Variants in MGAT4C observed in about 807,000 individuals in gnomAD.
The protein encoded by MGAT4C is alpha-1,3-mannosyl-glycoprotein 4-beta-N-acetylglucosaminyltransferase C.
MGAT4C carries 19 observed loss-of-function variants against 40.1 expected under a neutral mutation model. The observed-to-expected ratio is 0.47, with a 90% CI of 0.33 to 0.70. The LOEUF (loss-of-function observed/expected upper bound fraction) is 0.70. MGAT4C is among the 30% of genes least tolerant of loss of function. MGAT4C has a pLI of 0.02. For missense variants in MGAT4C, 491 were observed against 563.2 expected, an observed-to-expected ratio of 0.87 and a Z score of 1.30; for synonymous variants, 181 against 187.1, an observed-to-expected ratio of 0.97 and a Z score of 0.27.
rs11103973 is a variant in MGAT4C at position 86,508,508 on chromosome 12, G to A, written c.-228-73243C>T. 0.011 allele frequency among the ~76,000 whole-genome samples: 1,697 copies of A among 151,978 alleles called. 124 individuals carry two copies. In the East Asian group the frequency reaches 0.23, roughly 20 times the overall value. ...AGTCTTTGCTATTGTGAATAATGCCGCAATAAACATACGTGTGCATGTGTC... is the reference window on the plus strand; with the variant it reads ...AGTCTTTGCTATTGTGAATAATGCCACAATAAACATACGTGTGCATGTGTC... On this transcript the variant is annotated intron_variant, in intron 2 of 7. Coordinates refer to the MGAT4C transcript ENST00000548651.
At chr12:86,310,323 G>A (rs1954039613) in intron 4 of MGAT4C, among the ~76,000 whole-genome samples, 1 of 152,054 alleles carries the variant, frequency 6.6e-6, no homozygotes, top group South Asian at 2.1e-4. Context: ...ATAAACAATA[G>A]TAAAAGTGAA....
At chr12:86,180,869 C>T (rs1221090179) in intron 1 of MGAT4C, among the ~76,000 whole-genome samples, 1 of 152,016 alleles carries the variant, frequency 6.6e-6, no homozygotes, top group Non-Finnish European at 1.5e-5. Flanking sequence ...ATGAGTTAAA[C>T]CTTTGGGGGA....
chr12:86,217,970 TA>T, intron 1 of MGAT4C, among the ~76,000 whole-genome samples: 1 of 152,252 alleles, frequency 6.6e-6, no homozygotes, highest in South Asian at 2.1e-4. Context: ...AGATTATCTA[TA>T]AATTTTTTCT....
chr12:86,294,920 G>A (rs1239561160), intron 4 of MGAT4C, among the ~76,000 whole-genome samples: 1 of 152,038 alleles, frequency 6.6e-6, no homozygotes, highest in Non-Finnish European at 1.5e-5. Context: ...TAAAGTCTTT[G>A]TTCACTTCTG....
chr12:86,472,151 A>G (rs1178712556), intron 2 of MGAT4C, among the ~76,000 whole-genome samples: 1 of 152,162 alleles, frequency 6.6e-6, no homozygotes, highest in Non-Finnish European at 1.5e-5. Flanking sequence ...ATGGAGTGGA[A>G]TAAAATGATA....
intron 1 of MGAT4C, among the ~76,000 whole-genome samples, chr12:86,231,188 A>T (rs534617464): frequency 6.6e-6 from 1 of 152,288 alleles, no homozygotes; most frequent in South Asian, 2.1e-4. Flanking sequence ...CCCTTTAGCA[A>T]ATTATTTTCT....
chr12:86,539,872 G>C (rs1051192523), intron 2 of MGAT4C, among the ~76,000 whole-genome samples: 9 of 152,046 alleles, frequency 5.9e-5, no homozygotes, highest in Non-Finnish European at 7.4e-5. Flanking sequence ...GAGGTTGTTT[G>C]ATTTTTTTTC....
intron 2 of MGAT4C, among the ~76,000 whole-genome samples, chr12:86,548,946 T>G (rs530851322): frequency 7.2e-5 from 11 of 152,202 alleles, no homozygotes; most frequent in Non-Finnish European, 1.6e-4. Flanking sequence ...TTTTGTAACC[T>G]GGCTCTACTG....
At chr12:86,125,783 G>C (rs1880139438) in intron 1 of MGAT4C, among the ~76,000 whole-genome samples, 1 of 151,988 alleles carries the variant, frequency 6.6e-6, no homozygotes, top group Non-Finnish European at 1.5e-5. Flanking sequence ...GTTTAATGGA[G>C]ACAGAAAAAG....
At chr12:86,712,397 A>G (rs560744086) in intron 2 of MGAT4C, among the ~76,000 whole-genome samples, 153 of 152,222 alleles carry the variant, frequency 1.0e-3, no homozygotes, top group African/African-American at 3.4e-3. Flanking sequence ...CTAACCATAA[A>G]AAATAAGAAA....
At chr12:86,211,556 C>A (rs187338256) in intron 1 of MGAT4C, among the ~76,000 whole-genome samples, 2 of 151,472 alleles carry the variant, frequency 1.3e-5, no homozygotes, top group Admixed American at 1.3e-4. Flanking sequence ...CACTGTGCTG[C>A]GGGCTGGGTG....
chr12:86,210,441 A>T (rs1304746877), intron 1 of MGAT4C, among the ~76,000 whole-genome samples: 1 of 152,214 alleles, frequency 6.6e-6, no homozygotes, highest in African/African-American at 2.4e-5. Flanking sequence ...CATTGTTGAC[A>T]GTTTTTATAT....
chr12:86,452,731 T>C (rs1957446850), intron 2 of MGAT4C, among the ~76,000 whole-genome samples: 1 of 152,078 alleles, frequency 6.6e-6, no homozygotes, highest in Non-Finnish European at 1.5e-5. Context: ...GACTTTTAAA[T>C]AATTATGATT....
At chr12:86,326,703 C>G (rs1264008094) in intron 4 of MGAT4C, among the ~76,000 whole-genome samples, 2 of 152,022 alleles carry the variant, frequency 1.3e-5, no homozygotes, top group Non-Finnish European at 2.9e-5. Context: ...ATCAAGAAAA[C>G]CCACTTGAGC....
chr12:86,762,145 G>A (rs1951418492), intron 1 of MGAT4C, among the ~76,000 whole-genome samples: 1 of 151,536 alleles, frequency 6.6e-6, no homozygotes. Context: ...TTAACCCCCT[G>A]GACTTAAGCA....
chr12:86,708,952 G>A (rs147246355), intron 2 of MGAT4C, among the ~76,000 whole-genome samples: 21 of 152,284 alleles, frequency 1.4e-4, no homozygotes, highest in African/African-American at 5.1e-4. Context: ...GGACTTTTGA[G>A]TTAATGCTGA....
intron 1 of MGAT4C, among the ~76,000 whole-genome samples, chr12:86,200,120 T>G (rs1949985213): frequency 8.9e-6 from 1 of 112,444 alleles, no homozygotes; most frequent in Non-Finnish European, 1.9e-5. Flanking sequence ...ACAAATAGTA[T>G]GTATTTGTTT....
chr12:86,276,266 A>C (rs764520781), intron 4 of MGAT4C, among the ~76,000 whole-genome samples: 4 of 152,144 alleles, frequency 2.6e-5, no homozygotes, highest in Non-Finnish European at 5.9e-5. Flanking sequence ...CAAGATGAGA[A>C]ATCTATTTTT....
chr12:86,186,117 G>T (rs768063512), intron 1 of MGAT4C, among the ~76,000 whole-genome samples: 8 of 152,164 alleles, frequency 5.3e-5, no homozygotes, highest in Non-Finnish European at 1.0e-4. Context: ...AGGTCTCAAA[G>T]AAGAGGTACC....
Sources: gnomAD v4.1 joint callset for allele counts (sites outside exome capture counted in the v4.1 genomes callset) on GRCh38, gnomAD v4.1.1 for gene constraint, MANE v1.5 for transcripts, NCBI Gene and HGNC (gene_info 2026-07-23, HGNC 2026-07-21) for gene names.